TMEM248: variants seen among roughly 807,000 people sequenced by gnomAD.
TMEM248 encodes the protein transmembrane protein 248.
TMEM248 carries 9 observed loss-of-function variants against 30.3 expected under a neutral mutation model. The ratio of observed to expected loss-of-function variants is 0.30; its 90% CI spans 0.18 to 0.52. The LOEUF (loss-of-function observed/expected upper bound fraction) is 0.52. Among genes scored for constraint, TMEM248 ranks in the 20% least tolerant of loss-of-function variants. The probability of loss-of-function intolerance (pLI) is 0.97; values close to 1 mark genes in which losing one functional copy is unlikely to be tolerated. For missense variants in TMEM248, 338 were observed against 403.3 expected (o/e 0.84, Z 1.39); for synonymous variants, 184 against 154.4 (o/e 1.19, Z -1.42).
chr7:66,938,669 A>T (rs1791866563), intron 1 of TMEM248, among the ~76,000 whole-genome samples: 1 of 152,040 alleles, frequency 6.6e-6, no homozygotes, highest in African/African-American at 2.4e-5. Context: ...CACCATGCCC[A>T]GCTACTTTTT....
At chr7:66,923,228 C>G (rs901771088) in intron 1 of TMEM248, among the ~76,000 whole-genome samples, 6 of 152,014 alleles carry the variant, frequency 3.9e-5, no homozygotes, top group Non-Finnish European at 7.4e-5. Context: ...TCACTGCAAC[C>G]TCTGCCTCTC....
chr7:66,949,824 T>C (rs1283127184), intron 4 of TMEM248, among the ~76,000 whole-genome samples: 1 of 152,192 alleles, frequency 6.6e-6, no homozygotes, highest in African/African-American at 2.4e-5. Context: ...TGTTGGTTTT[T>C]TTTGGTCTCT....
At chr7:66,946,804 T>C (rs1357125516) in intron 3 of TMEM248, among the ~76,000 whole-genome samples, 1 of 152,192 alleles carries the variant, frequency 6.6e-6, no homozygotes, top group East Asian at 1.9e-4. Context: ...ACTGTAAGTG[T>C]TGCAGGAGAA....
At chr7:66,953,852 C>T (rs1446335340) in intron 6 of TMEM248, among the ~76,000 whole-genome samples, 3 of 151,838 alleles carry the variant, frequency 2.0e-5, no homozygotes, top group East Asian at 1.9e-4. Flanking sequence ...GTGATCCACC[C>T]GCCTTGGCCT....
intron 3 of TMEM248, among the ~76,000 whole-genome samples, chr7:66,945,802 T>C (rs987092743): frequency 6.6e-6 from 1 of 151,672 alleles, no homozygotes; most frequent in Non-Finnish European, 1.5e-5. Flanking sequence ...ATACAAAAAA[T>C]TGGCCGGGCG....
intron 1 of TMEM248, among the ~76,000 whole-genome samples, chr7:66,938,308 T>G (rs1328048595): frequency 6.6e-6 from 1 of 152,140 alleles, no homozygotes; most frequent in Non-Finnish European, 1.5e-5. Flanking sequence ...TTTAATTTCT[T>G]TTTATTTTTT....
At chr7:66,933,314 C>T (rs967968207) in intron 1 of TMEM248, among the ~76,000 whole-genome samples, 1 of 152,216 alleles carries the variant, frequency 6.6e-6, no homozygotes, top group Admixed American at 6.5e-5. Flanking sequence ...GGACTATGGA[C>T]GTGTGCCACC....
At position 66,941,904 on chromosome 7, in the gene TMEM248, C is replaced by T. The variant is rs1791971335; in HGVS notation, c.39C>T (p.Tyr13=). 1.9e-6 allele frequency: 3 copies of T among 1,614,120 alleles called. No homozygotes were observed. The highest frequency in any genetic ancestry group is 3.3e-5 in the Admixed American group (2 of 59,998). Reference sequence around the variant, plus strand: ...ACCCCCTGGAGAACCTGAAGGTGTACATCAGCAGTCGGCCTCCCCTGGTGG... The same window carrying T: ...ACCCCCTGGAGAACCTGAAGGTGTATATCAGCAGTCGGCCTCCCCTGGTGG... ...SINPLENLKV[Y]ISSRPPLVVF... is the part of the protein sequence containing the mutation. The change falls in exon 2 of 7, where the codon TAC becomes TAT. Residue 13 remains tyrosine (Y), a synonymous_variant. Transcript: ENST00000341567.
At chr7:66,939,620 G>A (rs142075865) in intron 1 of TMEM248, among the ~76,000 whole-genome samples, 48 of 152,340 alleles carry the variant, frequency 3.2e-4, no homozygotes, top group African/African-American at 1.0e-3. Context: ...GGGGCCAGGG[G>A]CCAGGGCTGT....
At position 66,923,998 on chromosome 7, in the gene TMEM248, A is replaced by G. The variant is rs112087113; in HGVS notation, c.-19+2537A>G. Among the ~76,000 whole-genome samples, 196 of 152,276 alleles carry G rather than the reference A, an allele frequency of 1.3e-3. 1 individual carries two copies. The highest frequency in any genetic ancestry group is 4.5e-3 in the African/African-American group (189 of 41,546). On this transcript the variant is annotated intron_variant, in intron 1 of 6. Coordinates refer to ENST00000341567, the MANE Select transcript of TMEM248 (RefSeq NM_017994.5). ...TCTAAAGAATTGTTTTCATTTAATG[A>G]GTTTGTCTTGTTCTGTAAGAGGCCG...
Position 66,957,972 on chromosome 7 carries a change from G to C in TMEM248, c.*2450G>C, listed in dbSNP as rs1240160184. ...CTGAGGGGAGAGAGGAGGCCTGGGG[G>C]CCTGGACGAAGAGGCCTAGGACCTG... is the stretch of plus-strand genomic sequence containing the variant. On this transcript the variant is annotated 3_prime_UTR_variant, in exon 7 of 7. Coordinates refer to ENST00000341567, the MANE Select transcript of TMEM248 (RefSeq NM_017994.5). The C allele has an allele frequency of 1.3e-5, 2 of 152,320 alleles. No homozygotes were observed. Among genetic ancestry groups the C allele is most frequent in the Admixed American group, 6.5e-5 (1 of 15,284 alleles). The allele number at this position is 152,320 out of a possible 1,614,324, so 9.4% of individuals were successfully genotyped here. A position where few individuals can be genotyped will look rare whatever the true frequency, so the allele number is the denominator to read the frequency against.
rs200106499 is a variant in TMEM248 at position 66,926,639 on chromosome 7, CA to C, written c.-19+5193del. Among the ~76,000 whole-genome samples, 658 of 86,530 alleles carry C rather than the reference CA, an allele frequency of 7.6e-3. 3 individuals are homozygous for C. Among genetic ancestry groups the C allele is most frequent in the East Asian group, 0.02 (72 of 3,628 alleles). 56.8% of individuals were successfully genotyped at this position (86,530 alleles called of 152,430 possible). A position where few individuals can be genotyped will look rare whatever the true frequency, so the allele number is the denominator to read the frequency against. On this transcript the variant is annotated intron_variant, in intron 1 of 6. Coordinates refer to ENST00000341567, the MANE Select transcript of TMEM248 (RefSeq NM_017994.5). ...TGACAGAGCAAGACTCCATCTGAAACAAAAAAAAAAAAAAAGAAAAGAAAGA... is the reference window on the plus strand; with the variant it reads ...TGACAGAGCAAGACTCCATCTGAAACAAAAAAAAAAAAAAGAAAAGAAAGA...
chr7:66,948,763 T>C, intron 4 of TMEM248, 69 bp downstream of exon 4: 2 of 1,529,506 alleles, frequency 1.3e-6, no homozygotes, highest in East Asian at 4.6e-5. Context: ...GCTGGGCTGC[T>C]TCAGCTGTAA....
chr7:66,933,198 C>T (rs1490573285), intron 1 of TMEM248, among the ~76,000 whole-genome samples: 1 of 152,092 alleles, frequency 6.6e-6, no homozygotes, highest in South Asian at 2.1e-4. Context: ...TAAGAACTCA[C>T]TCTGTTGCTC....
intron 3 of TMEM248, among the ~76,000 whole-genome samples, chr7:66,945,936 T>C (rs1792089797): frequency 6.6e-6 from 1 of 151,960 alleles, no homozygotes; most frequent in African/African-American, 2.4e-5. Context: ...ATACAAAAAT[T>C]AGCCGGGCGT....
chr7:66,956,463 T>C lies in TMEM248; in HGVS notation c.*941T>C, dbSNP rs1279101017. 6.6e-6 allele frequency: 1 copy of C among 151,576 alleles called. No individual in the cohort carries two copies. The highest frequency in any genetic ancestry group is 2.4e-5 in the African/African-American group (1 of 40,830). The allele number at this position is 151,576 out of a possible 1,614,324, so 9.4% of individuals were successfully genotyped here. A position where few individuals can be genotyped will look rare whatever the true frequency, so the allele number is the denominator to read the frequency against. On this transcript the variant is annotated 3_prime_UTR_variant, in exon 7 of 7. Transcript: ENST00000341567. ...GGAAAGAAAGAATAATGATTCTATCTAATAGGAAAGGATTTCTTCTTTCTT... is the reference window on the plus strand; with the variant it reads ...GGAAAGAAAGAATAATGATTCTATCCAATAGGAAAGGATTTCTTCTTTCTT...
chr7:66,922,440 G>A (rs1198878612), intron 1 of TMEM248, among the ~76,000 whole-genome samples: 1 of 151,942 alleles, frequency 6.6e-6, no homozygotes, highest in Non-Finnish European at 1.5e-5. Context: ...TTTCATCTAG[G>A]GATTCTGACA....
intron 1 of TMEM248, among the ~76,000 whole-genome samples, chr7:66,926,656 AAAAG>A (rs1791533486): frequency 6.6e-6 from 1 of 151,392 alleles, no homozygotes; most frequent in Non-Finnish European, 1.5e-5. Flanking sequence ...AAAAAAAAAG[AAAAG>A]AAAGAAAAAT....
chr7:66,935,698 G>A (rs550741100), intron 1 of TMEM248, among the ~76,000 whole-genome samples: 2 of 152,034 alleles, frequency 1.3e-5, no homozygotes, highest in Admixed American at 6.6e-5. Flanking sequence ...GCACACCATC[G>A]TGCCCAGCTA....
Sources: allele counts gnomAD v4.1 joint callset (sites outside exome capture counted in the v4.1 genomes callset), GRCh38; gene constraint gnomAD v4.1.1; transcripts MANE v1.5; gene names NCBI Gene and HGNC (gene_info 2026-07-23, HGNC 2026-07-21).